The following SMAD4 variants were observed in gnomAD, a reference collection of about 807,000 sequenced individuals.
The protein encoded by SMAD4 is SMAD family member 4, also known as MAD homolog 4.
In SMAD4, 7 loss-of-function variants were observed where a neutral mutation model predicts 63.2. The observed-to-expected ratio is 0.11, with a 90% CI of 0.06 to 0.21. The LOEUF (loss-of-function observed/expected upper bound fraction) is 0.21, where lower values mean the gene tolerates loss of function less well. SMAD4 is among the 10% of genes least tolerant of loss of function. SMAD4 has a pLI of 1.00. For synonymous variants in SMAD4, 215 were observed against 235.4 expected, an observed-to-expected ratio of 0.91 and a Z score of 0.79; for missense variants, 312 against 693.8, an observed-to-expected ratio of 0.45 and a Z score of 6.18.
chr18:51,077,688 A>G (rs999048089), intron 11 of SMAD4, among the ~76,000 whole-genome samples: 2 of 152,178 alleles, frequency 1.3e-5, no homozygotes, highest in African/African-American at 4.8e-5. Flanking sequence ...TTTCAGTGTT[A>G]TAAACATGCT....
chr18:51,078,185 A>T, intron 11 of SMAD4, 71 bp from the exon 12 acceptor site: 1 of 1,260,510 alleles, frequency 7.9e-7, no homozygotes, highest in Non-Finnish European at 1.2e-6. Context: ...TCACTTGATT[A>T]ATTTAGAATG....
chr18:51,062,183 T>C (rs953980542), intron 8 of SMAD4, among the ~76,000 whole-genome samples: 5 of 152,156 alleles, frequency 3.3e-5, no homozygotes, highest in Non-Finnish European at 5.9e-5. Context: ...ACGGATTTTC[T>C]GTGTTACATT....
chr18:51,073,396 C>T (rs1290794412), intron 10 of SMAD4, among the ~76,000 whole-genome samples: 3,578 of 46,326 alleles, frequency 0.077, 44 homozygotes, highest in Non-Finnish European at 0.097. Context: ...TATACACACA[C>T]ACACACACAC....
At chr18:51,076,962 G>A (rs1021817968) in intron 11 of SMAD4, 186 bp downstream of exon 11, 1 of 515,330 alleles carries the variant, frequency 1.9e-6, no homozygotes, top group Non-Finnish European at 3.4e-6. Flanking sequence ...GACCCTGTTT[G>A]CATTCTTTTT....
chr18:51,038,382 A>G (rs1909274292), intron 1 of SMAD4, among the ~76,000 whole-genome samples: 1 of 152,216 alleles, frequency 6.6e-6, no homozygotes, highest in South Asian at 2.1e-4. Flanking sequence ...TTCAAAGTAC[A>G]ACATAGACAA....
At chr18:51,068,791 C>A (rs1910239516) in intron 10 of SMAD4, among the ~76,000 whole-genome samples, 1 of 151,948 alleles carries the variant, frequency 6.6e-6, no homozygotes, top group Non-Finnish European at 1.5e-5. Context: ...TGTGGTGGTG[C>A]ATGCCTGTAG....
At chr18:51,051,432 A>T (rs1227354651) in intron 4 of SMAD4, 2 of 455,112 alleles carry the variant, frequency 4.4e-6, no homozygotes, top group Non-Finnish European at 8.8e-6. Context: ...AAAAGTTAAG[A>T]AAATGGGACA....
intron 2 of SMAD4, 31 bp from the exon 3 acceptor site, chr18:51,048,655 C>T (rs540575080): frequency 1.3e-6 from 2 of 1,598,618 alleles, no homozygotes; most frequent in East Asian, 4.5e-5. Context: ...CATAATGTGA[C>T]ACATGAATAA....
At chr18:51,072,615 GA>G (rs1910347250) in intron 10 of SMAD4, among the ~76,000 whole-genome samples, 1 of 152,102 alleles carries the variant, frequency 6.6e-6, no homozygotes, top group Non-Finnish European at 1.5e-5. Flanking sequence ...CTTGTCAAAG[GA>G]AAATGGCAAA....
chr18:51,062,196 G>A (rs1910031337), intron 8 of SMAD4, among the ~76,000 whole-genome samples: 2 of 152,014 alleles, frequency 1.3e-5, no homozygotes, highest in African/African-American at 4.8e-5. Flanking sequence ...GTTACATTGT[G>A]TGTTGTGATT....
chr18:51,055,032 T>C lies in SMAD4; in HGVS notation c.667+39T>C, dbSNP rs777252555. On this transcript the variant is annotated intron_variant, in intron 5 of 11. Coordinates refer to ENST00000342988, the MANE Select transcript of SMAD4 (RefSeq NM_005359.6). ...TCAGATGTAGTCAGCAAGTTGAGTT[T>C]TCCTAATCATTGCTTATTTATGTGT... 6 of 1,436,974 alleles carry C rather than the reference T, an allele frequency of 4.2e-6. No individual in the cohort carries two copies. In the South Asian group the frequency reaches 6.9e-5, roughly 16 times the overall value. 89.0% of individuals were successfully genotyped at this position (1,436,974 alleles called of 1,614,324 possible). A position where few individuals can be genotyped will look rare whatever the true frequency, so the allele number is the denominator to read the frequency against.
Position 51,081,295 on chromosome 18 carries a change from C to T in SMAD4, c.*2828C>T, listed in dbSNP as rs891448188. The T allele has an allele frequency of 8.8e-6, 2 of 227,648 alleles. No individual in the cohort carries two copies. Among genetic ancestry groups the T allele is most frequent in the South Asian group, 1.8e-4 (1 of 5,460 alleles). 14.1% of individuals were successfully genotyped at this position (227,648 alleles called of 1,614,324 possible). A position where few individuals can be genotyped will look rare whatever the true frequency, so the allele number is the denominator to read the frequency against. ...CTGAATGAGAGATGAGCCATGTACA[C>T]CCACCGTAAGACCTCATTCCATGTT... On this transcript the variant is annotated 3_prime_UTR_variant, in exon 12 of 12. Transcript: ENST00000342988.
At chr18:51,077,724 T>C (rs1025113291) in intron 11 of SMAD4, among the ~76,000 whole-genome samples, 1 of 152,230 alleles carries the variant, frequency 6.6e-6, no homozygotes, top group Admixed American at 6.5e-5. Context: ...AGAACTATTA[T>C]TAAGTTTCAT....
intron 8 of SMAD4, among the ~76,000 whole-genome samples, chr18:51,062,295 A>G (rs1156629362): frequency 1.3e-5 from 2 of 152,146 alleles, no homozygotes; most frequent in African/African-American, 2.4e-5. Flanking sequence ...ATGTAACACA[A>G]GTAAGTATAT....
chr18:51,039,518 C>G (rs1909311059), intron 1 of SMAD4, among the ~76,000 whole-genome samples: 1 of 135,014 alleles, frequency 7.4e-6, no homozygotes, highest in African/African-American at 2.7e-5. Flanking sequence ...CCCCGTAGTT[C>G]CATCGGAAGT....
At chr18:51,051,025 C>A (rs1460133059) in intron 4 of SMAD4, 1 of 152,614 alleles carries the variant, frequency 6.6e-6, no homozygotes, top group Non-Finnish European at 1.4e-5. Flanking sequence ...TGTATCACTT[C>A]TTTTTTTTTT....
intron 1 of SMAD4, among the ~76,000 whole-genome samples, chr18:51,035,904 A>G (rs548109864): frequency 5.0e-4 from 76 of 152,112 alleles, no homozygotes; most frequent in Non-Finnish European, 9.6e-4. Flanking sequence ...GGAGTGGAGG[A>G]GGCATGGGAA....
chr18:51,035,197 T>C (rs2144377108), intron 1 of SMAD4, among the ~76,000 whole-genome samples: 1 of 152,380 alleles, frequency 6.6e-6, no homozygotes, highest in Non-Finnish European at 1.5e-5. Flanking sequence ...TCTGTTTCTT[T>C]CTTCACTTTC....
intron 4 of SMAD4, among the ~76,000 whole-genome samples, chr18:51,050,798 A>G (rs1440808431): frequency 6.6e-6 from 1 of 151,926 alleles, no homozygotes; most frequent in East Asian, 1.9e-4. Flanking sequence ...CTTAACCAAA[A>G]TTTAGGAAGA....
Sources: allele counts gnomAD v4.1 joint callset (sites outside exome capture counted in the v4.1 genomes callset), GRCh38; gene constraint gnomAD v4.1.1; transcripts MANE v1.5; gene names NCBI Gene and HGNC (gene_info 2026-07-23, HGNC 2026-07-21).